The following CYP4X1 variants were observed in gnomAD, a reference collection of about 807,000 sequenced individuals.
CYP4X1 encodes cytochrome P450 family 4 subfamily X member 1, also known as cytochrome P450 4X1.
CYP4X1 carries 44 observed loss-of-function variants against 57.9 expected under a neutral mutation model. The ratio of observed to expected loss-of-function variants is 0.76; its 90% confidence interval spans 0.60 to 0.98. CYP4X1 has a LOEUF of 0.98. Among genes scored for constraint, CYP4X1 ranks in the 50% least tolerant of loss-of-function variants. The pLI, the probability that CYP4X1 is intolerant of heterozygous loss-of-function variation, is 0.00. For missense variants in CYP4X1, 532 were observed against 623.9 expected (o/e 0.85, Z 1.57); for synonymous variants, 227 against 228.6 (o/e 0.99, Z 0.06).
At chr1:47,051,745 C>G (rs1054662839), downstream of CYP4X1, among the ~76,000 whole-genome samples, 1 of 152,168 alleles carries the variant, frequency 6.6e-6, no homozygotes, top group Non-Finnish European at 1.5e-5. Context: ...GTGTGACTTT[C>G]CATTTTGTCA....
chr1:46,995,305 A>G, the CYP4X1 span, among the ~76,000 whole-genome samples: 1 of 152,136 alleles, frequency 6.6e-6, no homozygotes, highest in Non-Finnish European at 1.5e-5. Flanking sequence ...AAAGGCAGAA[A>G]ACTAAAACTG....
chr1:46,977,943 C>T, the CYP4X1 span, among the ~76,000 whole-genome samples: 2 of 151,990 alleles, frequency 1.3e-5, no homozygotes, highest in Non-Finnish European at 2.9e-5. Flanking sequence ...TTTGTCACCA[C>T]CAGGACTGCC....
the CYP4X1 span, among the ~76,000 whole-genome samples, chr1:46,962,519 A>G: frequency 6.6e-6 from 1 of 152,252 alleles, no homozygotes; most frequent in Non-Finnish European, 1.5e-5. Context: ...TAAAGAGAAC[A>G]CTGGTAGTCC....
Position 47,030,044 on chromosome 1 carries a change from C to T in CYP4X1, c.232C>T (p.Arg78Cys), listed in dbSNP as rs749036731. 10 of 1,614,138 alleles carry T rather than the reference C, an allele frequency of 6.2e-6. No homozygotes were observed. The highest frequency in any genetic ancestry group is 3.3e-4 in the Middle Eastern group (2 of 6,062). The change falls in exon 2 of 12, where the codon CGT becomes TGT. Residue 78 changes from arginine to cysteine, a missense_variant. By Grantham distance (180) the Arg-to-Cys change is radical (BLOSUM62 -3). Transcript: ENST00000371901. ...TGAGGAAATTATTGAAAAATACCCT[C>T]GTGCCTTCCCTTTCTGGATTGGGCC... is the stretch of plus-strand genomic sequence containing the variant. ...KLEEIIEKYP[R>C]AFPFWIGPFQ...
rs1644030484 is a variant in CYP4X1, at chr1:47,023,940, G to A, written c.123G>A (p.Arg41=). Residue 41 remains arginine (R), a synonymous_variant, in exon 1 of 12, where the codon CGG becomes CGA. Coordinates refer to ENST00000371901, the MANE Select transcript of CYP4X1 (RefSeq NM_178033.2). The part of the protein sequence containing the change: ...KLYLRRQRLL[R]DLRPFPAPPT... ...ACCTGCGGAGGCAGCGGCTGCTGCG[G>A]GACCTGCGCCCCTTCCCAGCGCCCC... 6.2e-7 allele frequency: 1 copy of A among 1,613,458 alleles called. No individual in the cohort carries two copies. Among genetic ancestry groups the A allele is most frequent in the South Asian group, 1.1e-5 (1 of 91,042 alleles).
At chr1:47,037,288 T>G (rs893186582) in intron 6 of CYP4X1, among the ~76,000 whole-genome samples, 2 of 148,194 alleles carry the variant, frequency 1.3e-5, no homozygotes, top group African/African-American at 5.0e-5. Context: ...TTTTTTTTTT[T>G]TTTTTGAGAT....
At chr1:47,035,775 T>C in intron 4 of CYP4X1, 31 bp from the exon 5 acceptor site, 1 of 1,597,778 alleles carries the variant, frequency 6.3e-7, no homozygotes, top group Non-Finnish European at 8.5e-7. Context: ...ATGGTGGTGG[T>C]GATGATGTTG....
chr1:46,996,437 T>C, the CYP4X1 span, among the ~76,000 whole-genome samples: 1 of 152,228 alleles, frequency 6.6e-6, no homozygotes, highest in Non-Finnish European at 1.5e-5. Context: ...CAACTACACA[T>C]ATTGACATAA....
chr1:46,977,171 C>T, the CYP4X1 span, among the ~76,000 whole-genome samples: 3 of 152,100 alleles, frequency 2.0e-5, no homozygotes, highest in Admixed American at 6.5e-5. Flanking sequence ...TAATAACAAA[C>T]TTCTCTGAGC....
intron 8 of CYP4X1, among the ~76,000 whole-genome samples, chr1:47,042,892 A>G (rs1040110098): frequency 6.6e-6 from 1 of 152,164 alleles, no homozygotes; most frequent in Non-Finnish European, 1.5e-5. Flanking sequence ...TGTCTTTACA[A>G]TTGCGAATTG....
At chr1:46,961,481 C>T in the CYP4X1 span, 1 of 1,091,114 alleles carries the variant, frequency 9.2e-7, no homozygotes, top group South Asian at 1.8e-5. Flanking sequence ...CGTTCACTGG[C>T]TTCCAGAACA....
chr1:46,970,874 A>G, the CYP4X1 span, among the ~76,000 whole-genome samples: 1 of 152,170 alleles, frequency 6.6e-6, no homozygotes, highest in Non-Finnish European at 1.5e-5. Context: ...CACAACTCAG[A>G]GAGGTGGTTT....
the CYP4X1 span, among the ~76,000 whole-genome samples, chr1:46,997,717 C>T: frequency 6.6e-6 from 1 of 152,290 alleles, no homozygotes; most frequent in East Asian, 1.9e-4. Flanking sequence ...GGATAGATAC[C>T]TAGCAGCGGG....
At chr1:47,021,812 T>A (rs114336757), upstream of CYP4X1, among the ~76,000 whole-genome samples, 72 of 152,278 alleles carry the variant, frequency 4.7e-4, no homozygotes, top group South Asian at 3.5e-3. Flanking sequence ...TGGGAGTAGG[T>A]GAGCCAAGGG....
chr1:47,006,836 A>G, the CYP4X1 span, among the ~76,000 whole-genome samples: 2 of 152,196 alleles, frequency 1.3e-5, no homozygotes, highest in African/African-American at 4.8e-5. Context: ...GCTCATTGCT[A>G]GCACAGCAGT....
the CYP4X1 span, among the ~76,000 whole-genome samples, chr1:46,981,499 T>G: frequency 3.9e-5 from 6 of 152,140 alleles, no homozygotes; most frequent in African/African-American, 4.8e-5. Flanking sequence ...CTGGAGAGGA[T>G]GTGGAGAAAT....
intron 8 of CYP4X1, 181 bp downstream of exon 8, chr1:47,039,713 A>G: frequency 2.9e-6 from 1 of 349,962 alleles, no homozygotes; most frequent in East Asian, 5.1e-5. Flanking sequence ...CTTTCAGGAA[A>G]AAAAAAAAAA....
the CYP4X1 span, among the ~76,000 whole-genome samples, chr1:46,997,979 C>T: frequency 0.4 from 60,969 of 151,858 alleles, 14,006 homozygotes; most frequent in African/African-American, 0.62. Context: ...CATATTTTTG[C>T]TGGCCACTTT....
chr1:46,983,421 G>C, the CYP4X1 span, among the ~76,000 whole-genome samples: 1 of 152,222 alleles, frequency 6.6e-6, no homozygotes, highest in African/African-American at 2.4e-5. Flanking sequence ...AAATGATCAG[G>C]GTCTTTGTTT....
Sources: gnomAD v4.1 joint callset for allele counts (sites outside exome capture counted in the v4.1 genomes callset) on GRCh38, gnomAD v4.1.1 for gene constraint, MANE v1.5 for transcripts, NCBI Gene and HGNC (gene_info 2026-07-23, HGNC 2026-07-21) for gene names.